LRRTM4: variants seen among roughly 807,000 people sequenced by gnomAD.
The protein encoded by LRRTM4 is leucine-rich repeat transmembrane neuronal protein 4.
LRRTM4 carries 25 observed loss-of-function variants against 47.6 expected under a neutral mutation model. That is an observed-to-expected ratio of 0.53 (90% CI 0.38 to 0.73). The LOEUF is 0.73. Among genes scored for constraint, LRRTM4 ranks in the 30% least tolerant of loss-of-function variants. LRRTM4 has a pLI of 0.00. For missense variants in LRRTM4, 638 were observed against 713.4 expected, an observed-to-expected ratio of 0.89 and a Z score of 1.20; for synonymous variants, 311 against 269.5, an observed-to-expected ratio of 1.15 and a Z score of -1.51.
In LRRTM4 at chr2:76,905,228, C is replaced by T. The variant is rs187615814; in HGVS notation, c.1552-156312G>A. Among the ~76,000 whole-genome samples, 10 of 152,242 alleles carry T rather than the reference C, an allele frequency of 6.6e-5. No individual in the cohort carries two copies. In the East Asian group the frequency reaches 1.7e-3, roughly 27 times the overall value. On this transcript the variant is annotated intron_variant, in intron 3 of 3. Transcript: ENST00000409884. ...GTTCTGCAGACACCGCTGCTGATAC[C>T]CAGGCAAACAAGGTCTGGAGTGGAC...
intron 3 of LRRTM4, among the ~76,000 whole-genome samples, chr2:76,873,506 GTATATATATATATATATATA>G (rs58469429): frequency 1.8e-5 from 2 of 112,314 alleles, no homozygotes; most frequent in African/African-American, 6.5e-5. Flanking sequence ...ATATATGTGT[GTATATATATATATATATATA>G]TATATATACA....
chr2:76,763,178 A>T (rs1256396458), intron 3 of LRRTM4, among the ~76,000 whole-genome samples: 1 of 151,890 alleles, frequency 6.6e-6, no homozygotes, highest in Non-Finnish European at 1.5e-5. Flanking sequence ...CTATTCCAGG[A>T]AAAAAAACAG....
At chr2:77,087,192 T>C (rs1265048629) in intron 3 of LRRTM4, among the ~76,000 whole-genome samples, 1 of 152,056 alleles carries the variant, frequency 6.6e-6, no homozygotes, top group Non-Finnish European at 1.5e-5. Context: ...ATCAAGAGAG[T>C]GGGCATACAT....
At chr2:76,845,922 G>A (rs1671825685) in intron 3 of LRRTM4, among the ~76,000 whole-genome samples, 1 of 152,088 alleles carries the variant, frequency 6.6e-6, no homozygotes, top group Non-Finnish European at 1.5e-5. Context: ...AGGGAATACA[G>A]TTGATCTTTG....
intron 3 of LRRTM4, among the ~76,000 whole-genome samples, chr2:77,485,986 G>T (rs1036577186): frequency 6.6e-6 from 1 of 151,858 alleles, no homozygotes; most frequent in Non-Finnish European, 1.5e-5. Context: ...CTATCCGTCT[G>T]CCTCAGCCTC....
chr2:77,366,314 A>G (rs1330689366), intron 3 of LRRTM4, among the ~76,000 whole-genome samples: 1 of 151,806 alleles, frequency 6.6e-6, no homozygotes, highest in African/African-American at 2.4e-5. Flanking sequence ...TTGACTTCCA[A>G]GACACGTTTT....
intron 3 of LRRTM4, among the ~76,000 whole-genome samples, chr2:76,957,742 G>A (rs1411192731): frequency 6.6e-6 from 1 of 151,334 alleles, no homozygotes; most frequent in African/African-American, 2.4e-5. Context: ...CTATTAACAG[G>A]GTGTAAAAGC....
intron 3 of LRRTM4, among the ~76,000 whole-genome samples, chr2:77,217,581 G>C (rs1247024789): frequency 6.6e-6 from 1 of 151,038 alleles, no homozygotes; most frequent in African/African-American, 2.4e-5. Context: ...ATGCAAACAT[G>C]GCTGTTTGTT....
chr2:77,135,050 G>A (rs1671896929), intron 3 of LRRTM4, among the ~76,000 whole-genome samples: 1 of 152,118 alleles, frequency 6.6e-6, no homozygotes, highest in South Asian at 2.1e-4. Flanking sequence ...AATTGACTCT[G>A]AATAAAATTA....
Position 76,984,139 on chromosome 2 carries a change from AAT to A in LRRTM4, c.1552-235225_1552-235224del, listed in dbSNP as rs61340741. ...AATGTTAGTAATTGCATTTTAAAAA[AAT>A]AGACACACAAAACAGAAGAAAATCA... On this transcript the variant is annotated intron_variant, in intron 3 of 3. Transcript: ENST00000409884. Among the ~76,000 whole-genome samples the A allele has an allele frequency of 7.6e-3, 1,162 of 152,046 alleles. 10 individuals are homozygous for A. Among genetic ancestry groups the A allele is most frequent in the African/African-American group, 0.027 (1,107 of 41,514 alleles).
chr2:76,979,090 C>A (rs919558897), intron 3 of LRRTM4, among the ~76,000 whole-genome samples: 1 of 151,962 alleles, frequency 6.6e-6, no homozygotes, highest in Non-Finnish European at 1.5e-5. Flanking sequence ...AATGAGGATA[C>A]CTTGCCCACA....
At chr2:77,406,751 T>A (rs1056847930) in intron 3 of LRRTM4, among the ~76,000 whole-genome samples, 10 of 152,178 alleles carry the variant, frequency 6.6e-5, no homozygotes, top group Admixed American at 2.0e-4. Context: ...TTTAGTGTGA[T>A]GAGAGATTAC....
intron 3 of LRRTM4, among the ~76,000 whole-genome samples, chr2:76,847,937 G>T (rs1012439023): frequency 6.6e-6 from 1 of 152,046 alleles, no homozygotes; most frequent in East Asian, 1.9e-4. Flanking sequence ...TCCCTATGGG[G>T]CACTCTAGTA....
chr2:77,330,501 AT>A (rs1188719544), intron 3 of LRRTM4, among the ~76,000 whole-genome samples: 1 of 152,206 alleles, frequency 6.6e-6, no homozygotes, highest in Admixed American at 6.5e-5. Flanking sequence ...AAATAAAAAA[AT>A]AATAAGCTGA....
At chr2:76,834,267 T>C (rs936141102) in intron 3 of LRRTM4, among the ~76,000 whole-genome samples, 1 of 151,208 alleles carries the variant, frequency 6.6e-6, no homozygotes, top group African/African-American at 2.4e-5. Flanking sequence ...GCCAGTCTGG[T>C]CTCGAACTCC....
intron 3 of LRRTM4, among the ~76,000 whole-genome samples, chr2:76,865,135 G>A (rs1016715211): frequency 8.6e-5 from 13 of 152,004 alleles, no homozygotes; most frequent in East Asian, 3.9e-4. Context: ...GTAACACTTC[G>A]CATACACATT....
At chr2:76,815,477 T>G (rs1670872522) in intron 3 of LRRTM4, among the ~76,000 whole-genome samples, 2 of 152,124 alleles carry the variant, frequency 1.3e-5, no homozygotes, top group African/African-American at 4.8e-5. Context: ...ATGATGAAAT[T>G]AATTAATATC....
At chr2:77,206,179 AT>A (rs35378906) in intron 3 of LRRTM4, among the ~76,000 whole-genome samples, 62,932 of 126,832 alleles carry the variant, frequency 0.5, 13,902 homozygotes, top group Middle Eastern at 0.55. Flanking sequence ...TCAAAATTCT[AT>A]TTTTTTTTTT....
At chr2:77,391,987 T>C (rs369838837) in intron 3 of LRRTM4, among the ~76,000 whole-genome samples, 17 of 152,064 alleles carry the variant, frequency 1.1e-4, no homozygotes, top group African/African-American at 3.9e-4. Flanking sequence ...TTTCTTGACA[T>C]ATTTTGAAAT....
Sources: gnomAD v4.1 joint callset for allele counts (sites outside exome capture counted in the v4.1 genomes callset) on GRCh38, gnomAD v4.1.1 for gene constraint, MANE v1.5 for transcripts, NCBI Gene and HGNC (gene_info 2026-07-23, HGNC 2026-07-21) for gene names.